Variants in GSG1L observed in about 807,000 individuals in gnomAD.
The protein encoded by GSG1L is GSG1 like, also known as germ cell-specific gene 1-like protein.
Under a neutral mutation model 42.1 loss-of-function variants are expected in GSG1L, and 24 were observed. The ratio of observed to expected loss-of-function variants is 0.57; its 90% CI spans 0.41 to 0.80. GSG1L has a LOEUF of 0.80. GSG1L is among the 30% of genes least tolerant of loss of function. GSG1L has a pLI of 0.00. For synonymous variants in GSG1L, 215 were observed against 203.5 expected (o/e 1.06, Z -0.48); for missense variants, 445 against 472.2 (o/e 0.94, Z 0.53).
intron 4 of GSG1L, among the ~76,000 whole-genome samples, chr16:27,840,032 CTT>C (rs11329489): frequency 0.013 from 1,697 of 129,702 alleles, 30 homozygotes; most frequent in African/African-American, 0.04. Context: ...TAACCTTAAT[CTT>C]TTTTTTTTTT....
intron 2 of GSG1L, among the ~76,000 whole-genome samples, chr16:27,914,906 T>C (rs1220785808): frequency 2.0e-5 from 3 of 152,118 alleles, no homozygotes; most frequent in East Asian, 1.9e-4. Flanking sequence ...AACAAGTGTC[T>C]GGAAGGGACC....
chr16:27,841,620 C>T (rs1051952394), intron 4 of GSG1L, among the ~76,000 whole-genome samples: 2 of 152,156 alleles, frequency 1.3e-5, no homozygotes, highest in African/African-American at 2.4e-5. Context: ...CATGGTGCAG[C>T]CCTGGCGAGG....
chr16:27,893,470 G>A (rs1298384880), intron 2 of GSG1L, among the ~76,000 whole-genome samples: 1 of 152,182 alleles, frequency 6.6e-6, no homozygotes, highest in Non-Finnish European at 1.5e-5. Context: ...CAGTAAATGA[G>A]ACAATACCTG....
chr16:27,981,759 G>A (rs778919340), intron 1 of GSG1L, among the ~76,000 whole-genome samples: 2 of 152,150 alleles, frequency 1.3e-5, no homozygotes, highest in African/African-American at 2.4e-5. Context: ...CGTTGCTTGG[G>A]CATTTGGGGC....
chr16:28,024,631 A>G (rs1421593611), intron 1 of GSG1L, among the ~76,000 whole-genome samples: 1 of 152,234 alleles, frequency 6.6e-6, no homozygotes, highest in Non-Finnish European at 1.5e-5. Flanking sequence ...GATGTCCAGT[A>G]TGAAGTGCTC....
chr16:28,052,995 T>G (rs2086236473), intron 1 of GSG1L, among the ~76,000 whole-genome samples: 1 of 152,184 alleles, frequency 6.6e-6, no homozygotes, highest in Non-Finnish European at 1.5e-5. Context: ...CAAGTGGAGC[T>G]GCCTGGGACA....
In GSG1L at chr16:27,828,874, G is replaced by A. The variant is rs752444585; in HGVS notation, c.745C>T (p.Arg249Trp). The change falls in exon 5 of 7, where the codon CGG becomes TGG. Residue 249 changes from arginine to tryptophan, a missense_variant. Around this residue, in one of 3 missense-constraint regions of GSG1L, gnomAD observed 140 missense variants for 120.6 expected, o/e 1.16. Transcript: ENST00000447459. ...NSYTKTVIEF[R>W]HKRKVFEQGY... ...TGCTCAAAGACCTTGCGCTTGTGCC[G>A]GAACTCAATGACCGTCTTGGTGTAG... is the stretch of plus-strand genomic sequence containing the variant. 9.3e-6 allele frequency: 15 copies of A among 1,614,048 alleles called. No homozygotes were observed. Among genetic ancestry groups the A allele is most frequent in the African/African-American group, 1.3e-5 (1 of 74,924 alleles).
chr16:27,946,604 AGAGAGAGAGAGAGAGAGAGAG>A (rs2084867439), intron 2 of GSG1L, among the ~76,000 whole-genome samples: 10 of 6,480 alleles, frequency 1.5e-3, no homozygotes, highest in African/African-American at 4.2e-3. Flanking sequence ...AGAGAGAGAG[AGAGAGAGAGAGAGAGAGAGAG>A]AGAGAGAAAG....
intron 2 of GSG1L, among the ~76,000 whole-genome samples, chr16:27,909,372 CTTCTTT>C (rs1402134509): frequency 7.1e-6 from 1 of 140,302 alleles, no homozygotes; most frequent in African/African-American, 2.7e-5. Context: ...TTCTTTCTTT[CTTCTTT>C]TTCTTTTTTT....
chr16:28,033,801 T>C (rs1342536526), intron 1 of GSG1L, among the ~76,000 whole-genome samples: 7 of 152,204 alleles, frequency 4.6e-5, no homozygotes, highest in Admixed American at 1.3e-4. Context: ...ATTATGACTA[T>C]GGAAATTCAG....
intron 1 of GSG1L, among the ~76,000 whole-genome samples, chr16:28,004,953 C>T (rs2085622690): frequency 6.6e-5 from 10 of 152,134 alleles, no homozygotes; most frequent in Admixed American, 6.6e-4. Context: ...TGACAAGTTA[C>T]ACTTATTAGT....
At chr16:28,000,679 G>A (rs1300432016) in intron 1 of GSG1L, among the ~76,000 whole-genome samples, 1 of 152,060 alleles carries the variant, frequency 6.6e-6, no homozygotes, top group Non-Finnish European at 1.5e-5. Context: ...AGCTCTCTAA[G>A]CTTCCCACAG....
At chr16:27,983,177 A>T (rs1028747855) in intron 1 of GSG1L, among the ~76,000 whole-genome samples, 1 of 151,990 alleles carries the variant, frequency 6.6e-6, no homozygotes, top group Non-Finnish European at 1.5e-5. Context: ...TCTACTGAAA[A>T]TACAAAAATT....
intron 1 of GSG1L, among the ~76,000 whole-genome samples, chr16:28,035,308 T>C (rs1236832526): frequency 1.3e-5 from 2 of 152,174 alleles, no homozygotes; most frequent in Admixed American, 6.5e-5. Context: ...ACCACGCCTA[T>C]CCTCAGCTGT....
intron 1 of GSG1L, among the ~76,000 whole-genome samples, chr16:27,996,644 T>C (rs2085517527): frequency 6.6e-6 from 1 of 152,218 alleles, no homozygotes; most frequent in African/African-American, 2.4e-5. Flanking sequence ...GCCTGGCCCT[T>C]TTGTCTAGTG....
chr16:27,868,783 A>T (rs2083763925), intron 3 of GSG1L, among the ~76,000 whole-genome samples: 1 of 152,150 alleles, frequency 6.6e-6, no homozygotes, highest in Non-Finnish European at 1.5e-5. Context: ...TGCAGCTGCC[A>T]AGCCCCTCAG....
intron 2 of GSG1L, among the ~76,000 whole-genome samples, chr16:27,934,298 C>T (rs1000767218): frequency 1.3e-5 from 2 of 152,192 alleles, no homozygotes; most frequent in Non-Finnish European, 2.9e-5. Flanking sequence ...AATCCCAGCA[C>T]TTCAGGAGGC....
intron 2 of GSG1L, among the ~76,000 whole-genome samples, chr16:27,953,086 G>GT (rs1285801838): frequency 6.6e-6 from 1 of 152,094 alleles, no homozygotes; most frequent in Admixed American, 6.5e-5. Flanking sequence ...AGTCATATTT[G>GT]TTTTTTTCTT....
chr16:27,876,537 A>T (rs979880099), intron 3 of GSG1L, among the ~76,000 whole-genome samples: 13 of 152,202 alleles, frequency 8.5e-5, no homozygotes, highest in Non-Finnish European at 1.8e-4. Flanking sequence ...TCGTAAGGCA[A>T]ATGGCTCTGC....
Sources: allele counts gnomAD v4.1 joint callset (sites outside exome capture counted in the v4.1 genomes callset), GRCh38; gene constraint gnomAD v4.1.1; regional missense constraint gnomAD v4.1.1; transcripts MANE v1.5; gene names NCBI Gene and HGNC (gene_info 2026-07-23, HGNC 2026-07-21).